Variants in GCNT1 observed in about 807,000 individuals in gnomAD.
The protein encoded by GCNT1 is beta-1,3-galactosyl-O-glycosyl-glycoprotein beta-1,6-N-acetylglucosaminyltransferase.
Under a neutral mutation model 26.2 loss-of-function variants are expected in GCNT1, and 16 were observed. That is an observed-to-expected ratio of 0.61 (90% confidence interval 0.41 to 0.93). GCNT1 has a LOEUF of 0.93. Among genes scored for constraint, GCNT1 ranks in the 40% least tolerant of loss-of-function variants. The pLI is 0.00. For missense variants in GCNT1, 477 were observed against 526.7 expected, an observed-to-expected ratio of 0.91 and a Z score of 0.92; for synonymous variants, 183 against 190.8, an observed-to-expected ratio of 0.96 and a Z score of 0.34.
intron 2 of GCNT1, among the ~76,000 whole-genome samples, chr9:76,483,259 C>T (rs1824470502): frequency 6.6e-6 from 1 of 152,144 alleles, no homozygotes; most frequent in Non-Finnish European, 1.5e-5. Flanking sequence ...TACTAGCTAA[C>T]ATTCTCTACT....
intron 2 of GCNT1, among the ~76,000 whole-genome samples, chr9:76,478,959 T>A (rs1479791862): frequency 2.6e-5 from 4 of 152,224 alleles, no homozygotes; most frequent in Non-Finnish European, 5.9e-5. Flanking sequence ...CTGCACCCAT[T>A]AACTTGTCAT....
chr9:76,428,302 A>AAAAAAAAAAAAAAAAAAAAAG (rs1222053703), intron 1 of GCNT1, among the ~76,000 whole-genome samples: 30 of 149,428 alleles, frequency 2.0e-4, no homozygotes, highest in Middle Eastern at 3.5e-3. Flanking sequence ...TAAAAAAAAA[A>AAAAAAAAAAAAAAAAAAAAAG]AGAGAGAGAG....
In GCNT1 at chr9:76,476,508, C is replaced by T. The variant is rs148198387; in HGVS notation, c.-290+16331C>T. ...AGTAGACAATGAGATCTTTTATTCT[C>T]ATTTTTGGCCTGCAATGATAATGAG... On this transcript the variant is annotated intron_variant, in intron 2 of 3. Coordinates refer to ENST00000376730, the MANE Select transcript of GCNT1 (RefSeq NM_001490.5). 2.0e-4 allele frequency among the ~76,000 whole-genome samples: 30 copies of T among 151,076 alleles called. No individual in the cohort carries two copies. The East Asian group carries it at 3.5e-3, about 18-fold the overall frequency.
chr9:76,491,755 C>T (rs1244023428), intron 2 of GCNT1, among the ~76,000 whole-genome samples: 1 of 152,196 alleles, frequency 6.6e-6, no homozygotes, highest in African/African-American at 2.4e-5. Flanking sequence ...AATTTGTTGG[C>T]AGTCATGCTC....
intron 2 of GCNT1, among the ~76,000 whole-genome samples, chr9:76,471,001 C>A (rs1161497018): frequency 6.6e-6 from 1 of 152,140 alleles, no homozygotes; most frequent in African/African-American, 2.4e-5. Context: ...ATAGGTGGAG[C>A]CCCTGATCTC....
At chr9:76,469,329 T>G (rs2131602702) in intron 2 of GCNT1, among the ~76,000 whole-genome samples, 1 of 152,296 alleles carries the variant, frequency 6.6e-6, no homozygotes, top group South Asian at 2.1e-4. Flanking sequence ...GGCTTGCAAC[T>G]TAGCTCACAC....
chr9:76,486,855 C>T (rs1448243137), intron 2 of GCNT1, among the ~76,000 whole-genome samples: 3 of 152,104 alleles, frequency 2.0e-5, no homozygotes, highest in Non-Finnish European at 4.4e-5. Flanking sequence ...GTGGGTGGAT[C>T]ACTTGAGGTC....
chr9:76,417,924 G>A (rs1185341031), upstream of GCNT1, among the ~76,000 whole-genome samples: 1 of 152,172 alleles, frequency 6.6e-6, no homozygotes, highest in Non-Finnish European at 1.5e-5. Flanking sequence ...GATGAAAAGA[G>A]TGAAACTTTG....
chr9:76,481,953 C>G (rs927987704), intron 2 of GCNT1, among the ~76,000 whole-genome samples: 9 of 152,144 alleles, frequency 5.9e-5, no homozygotes, highest in African/African-American at 1.7e-4. Context: ...AAACCCTGAG[C>G]TTAGAGAAGC....
intron 1 of GCNT1, among the ~76,000 whole-genome samples, chr9:76,446,643 A>T (rs994139928): frequency 6.6e-6 from 1 of 152,216 alleles, no homozygotes; most frequent in Non-Finnish European, 1.5e-5. Context: ...ATAGCAAAAA[A>T]CTGGAAACAA....
At chr9:76,439,180 A>G (rs1014555260), upstream of GCNT1, among the ~76,000 whole-genome samples, 47 of 151,684 alleles carry the variant, frequency 3.1e-4, no homozygotes, top group African/African-American at 1.1e-3. Context: ...CTAAATCAGA[A>G]ACTCTGATGT....
chr9:76,405,752 A>G, the GCNT1 span, among the ~76,000 whole-genome samples: 2 of 152,074 alleles, frequency 1.3e-5, no homozygotes, highest in Admixed American at 6.5e-5. Context: ...ATAATATTCT[A>G]TTGTCTGTGT....
chr9:76,416,022 C>T (rs1823129286), upstream of GCNT1, among the ~76,000 whole-genome samples: 1 of 152,158 alleles, frequency 6.6e-6, no homozygotes, highest in African/African-American at 2.4e-5. Context: ...AGGCCCTACC[C>T]ACAAGCCTGG....
chr9:76,482,984 A>G (rs757957845), intron 2 of GCNT1, among the ~76,000 whole-genome samples: 1 of 151,954 alleles, frequency 6.6e-6, no homozygotes, highest in Non-Finnish European at 1.5e-5. Flanking sequence ...AATCTAGTAT[A>G]TCAAAATTTT....
chr9:76,409,769 A>G, the GCNT1 span, among the ~76,000 whole-genome samples: 1 of 151,860 alleles, frequency 6.6e-6, no homozygotes, highest in Non-Finnish European at 1.5e-5. Context: ...TTCTGGTCTA[A>G]TTTTTATTAT....
In GCNT1 at chr9:76,503,012, A is replaced by G; in HGVS notation, c.631A>G (p.Lys211Glu). The G allele has an allele frequency of 6.2e-7, 1 of 1,613,846 alleles. No homozygotes were observed. The highest frequency in any genetic ancestry group is 8.5e-7 in the Non-Finnish European group (1 of 1,180,024). Residue 211 changes from lysine to glutamate, a missense_variant, in exon 4 of 4, where the codon AAG becomes GAG. Transcript: ENST00000376730. ...KDLYAMSANW[K>E]YLINLCGMDF... is the part of the protein sequence containing the mutation. ...TCTCTATGCAATGAGTGCAAACTGG[A>G]AGTACTTGATAAATCTTTGTGGTAT... is the stretch of plus-strand genomic sequence containing the variant.
chr9:76,428,197 T>C (rs553605315), intron 1 of GCNT1, among the ~76,000 whole-genome samples: 48 of 133,846 alleles, frequency 3.6e-4, no homozygotes, highest in East Asian at 6.5e-4. Flanking sequence ...GCCCGGGAGG[T>C]GGAGCTTGCA....
the GCNT1 span, among the ~76,000 whole-genome samples, chr9:76,407,745 G>A: frequency 2.0e-5 from 3 of 152,136 alleles, no homozygotes; most frequent in Admixed American, 6.5e-5. Flanking sequence ...GCCAATCCTT[G>A]AACATGGAAT....
chr9:76,410,796 C>A, the GCNT1 span, among the ~76,000 whole-genome samples: 1 of 152,134 alleles, frequency 6.6e-6, no homozygotes, highest in Non-Finnish European at 1.5e-5. Flanking sequence ...CTGTAGTCTC[C>A]AAGTATAACA....
Sources: allele counts gnomAD v4.1 joint callset (sites outside exome capture counted in the v4.1 genomes callset), GRCh38; gene constraint gnomAD v4.1.1; transcripts MANE v1.5; gene names NCBI Gene and HGNC (gene_info 2026-07-23, HGNC 2026-07-21).